DYM: variants seen among roughly 807,000 people sequenced by gnomAD.
DYM encodes dymeclin.
DYM carries 78 observed loss-of-function variants against 93.1 expected under a neutral mutation model. That is an observed-to-expected ratio of 0.84 (90% CI 0.70 to 1.01). The LOEUF (loss-of-function observed/expected upper bound fraction) is 1.01, where lower values mean the gene tolerates loss of function less well. Among genes scored for constraint, DYM ranks in the 50% least tolerant of loss-of-function variants. DYM has a pLI of 0.00. For missense variants in DYM, 789 were observed against 845.0 expected (o/e 0.93, Z 0.82); for synonymous variants, 321 against 319.7 (o/e 1.00, Z -0.04).
At chr18:49,067,168 G>GTGT (rs2076467581) in intron 17 of DYM, among the ~76,000 whole-genome samples, 8 of 30,344 alleles carry the variant, frequency 2.6e-4, no homozygotes, top group South Asian at 1.2e-3. Flanking sequence ...GGTGATGTGA[G>GTGT]CACTATGGAG....
At chr18:49,433,669 A>G (rs975620242) in intron 1 of DYM, among the ~76,000 whole-genome samples, 8 of 152,142 alleles carry the variant, frequency 5.3e-5, no homozygotes, top group African/African-American at 1.9e-4. Flanking sequence ...GAAGTTCGAG[A>G]CTAACCTGGT....
In DYM at chr18:49,170,780, C is replaced by CAAAAAAAAAAAAAA; in HGVS notation, c.1626-7007_1626-6994dup. On this transcript the variant is annotated intron_variant, in intron 14 of 17. Coordinates refer to ENST00000675505, the MANE Select transcript of DYM (RefSeq NM_001353214.3). ...TGGGCAACAAAGTGAGACTCCGTCT[C>CAAAAAAAAAAAAAA]AAAAAAAAAAAAAAAAAAAAAAAAA... Among the ~76,000 whole-genome samples the CAAAAAAAAAAAAAA allele has an allele frequency of 6.4e-5, 2 of 31,238 alleles. 1 individual carries two copies. Among genetic ancestry groups the CAAAAAAAAAAAAAA allele is most frequent in the South Asian group, 3.1e-3 (2 of 642 alleles). The allele number at this position is 31,238 out of a possible 152,430, so 20.5% of individuals were successfully genotyped here.
chr18:49,335,806 TTCTG>T (rs1268164657), intron 6 of DYM, among the ~76,000 whole-genome samples: 4 of 145,138 alleles, frequency 2.8e-5, no homozygotes, highest in Admixed American at 7.5e-5. Context: ...TGCAAACGTT[TTCTG>T]TCTTTTTTTT....
rs892976221 is a variant in DYM, at chr18:49,127,992, T to A, written c.1729-9066A>T. On this transcript the variant is annotated intron_variant, in intron 15 of 17. Transcript: ENST00000675505. The stretch of plus-strand genomic sequence containing the variant: ...ACACTCCTTGGATGTGGTTTGAATG[T>A]GACCCACAAGCCTCAACCACAACAC... Among the ~76,000 whole-genome samples the A allele has an allele frequency of 5.9e-5, 9 of 152,202 alleles. 1 individual carries two copies. The highest frequency in any genetic ancestry group is 1.9e-4 in the East Asian group (1 of 5,192).
intron 2 of DYM, among the ~76,000 whole-genome samples, chr18:49,414,650 G>A (rs935361717): frequency 6.6e-6 from 1 of 152,022 alleles, no homozygotes; most frequent in Non-Finnish European, 1.5e-5. Context: ...CCCTCTACCT[G>A]GAATACTCTC....
rs1201370040 is a variant in DYM at position 49,399,934 on chromosome 18, CTTTTTTTTTT to C, written c.141-8299_141-8290del. On this transcript the variant is annotated intron_variant, in intron 2 of 17. Coordinates refer to ENST00000675505, the MANE Select transcript of DYM (RefSeq NM_001353214.3). ...TTAAAAGACATTTATTTTTATTTTT[CTTTTTTTTTT>C]TTTTTTTTTTTTTTTGAGACGGAGT... Among the ~76,000 whole-genome samples the C allele has an allele frequency of 1.1e-3, 76 of 66,140 alleles. 1 individual carries two copies. In the East Asian group the frequency reaches 0.038, roughly 33 times the overall value. The allele number at this position is 66,140 out of a possible 152,430, so 43.4% of individuals were successfully genotyped here.
chr18:49,156,308 G>A (rs1284553980), intron 15 of DYM, among the ~76,000 whole-genome samples: 3 of 152,074 alleles, frequency 2.0e-5, no homozygotes, highest in Non-Finnish European at 4.4e-5. Context: ...GAGGATCCAG[G>A]GATCCAGAAA....
chr18:49,260,048 A>G (rs2094465238), intron 11 of DYM, among the ~76,000 whole-genome samples: 2 of 152,210 alleles, frequency 1.3e-5, no homozygotes, highest in African/African-American at 4.8e-5. Flanking sequence ...CATCCATAAA[A>G]TAAGAAGAGA....
intron 11 of DYM, among the ~76,000 whole-genome samples, chr18:49,261,731 T>C (rs1598969195): frequency 1.3e-5 from 2 of 152,200 alleles, no homozygotes; most frequent in African/African-American, 4.8e-5. Flanking sequence ...TTAAATATGT[T>C]TGGGAAAGTA....
At chr18:49,121,811 T>C (rs149871413) in intron 15 of DYM, among the ~76,000 whole-genome samples, 286 of 152,300 alleles carry the variant, frequency 1.9e-3, no homozygotes, top group African/African-American at 6.2e-3. Context: ...AAGTATCCTA[T>C]ACACAGCAAA....
In DYM at chr18:49,430,442, G is replaced by A; in HGVS notation, c.-48C>T. The A allele has an allele frequency of 6.2e-7, 1 of 1,607,840 alleles. No individual in the cohort carries two copies. The highest frequency in any genetic ancestry group is 8.5e-7 in the Non-Finnish European group (1 of 1,178,774). On this transcript the variant is annotated 5_prime_UTR_variant, in exon 2 of 18. Transcript: ENST00000675505. ...TGTCCTTAAACCTGCATTTCCAAAA[G>A]ACAACCTATAAAAAATAAAAATAAA...
intron 11 of DYM, among the ~76,000 whole-genome samples, chr18:49,271,302 A>T (rs2094691331): frequency 6.6e-6 from 1 of 152,182 alleles, no homozygotes; most frequent in African/African-American, 2.4e-5. Flanking sequence ...CCTACAGTAC[A>T]CAGCTGAACT....
At chr18:49,320,026 A>C (rs543039796) in intron 8 of DYM, among the ~76,000 whole-genome samples, 8 of 152,196 alleles carry the variant, frequency 5.3e-5, no homozygotes, top group African/African-American at 1.9e-4. Context: ...ATAATCCTAT[A>C]AAGCATCATC....
chr18:49,214,250 C>T (rs1034581729), intron 13 of DYM, among the ~76,000 whole-genome samples: 1 of 152,192 alleles, frequency 6.6e-6, no homozygotes, highest in African/African-American at 2.4e-5. Context: ...TTCAGAGCCA[C>T]TCCCCACTGC....
At chr18:49,324,138 CAAAAAAAAAAAAAAAAAAAA>C (rs59640889) in intron 8 of DYM, among the ~76,000 whole-genome samples, 1 of 54,436 alleles carries the variant, frequency 1.8e-5, no homozygotes, top group African/African-American at 8.2e-5. Flanking sequence ...GGCTCTGTCT[CAAAAAAAAAAAAAAAAAAAA>C]AAAAAAAAAA....
At chr18:49,267,115 TAAA>T (rs927342802) in intron 11 of DYM, among the ~76,000 whole-genome samples, 6 of 151,642 alleles carry the variant, frequency 4.0e-5, no homozygotes, top group Non-Finnish European at 2.9e-5. Context: ...GTTAGAAAGA[TAAA>T]GAAGAGAATA....
intron 15 of DYM, among the ~76,000 whole-genome samples, chr18:49,152,320 T>TA (rs1414963318): frequency 6.6e-6 from 1 of 152,166 alleles, no homozygotes; most frequent in Non-Finnish European, 1.5e-5. Flanking sequence ...GTTTTTGTTT[T>TA]AAAAAAGAGG....
chr18:49,256,053 C>T (rs1041460959), intron 13 of DYM, among the ~76,000 whole-genome samples: 8 of 146,276 alleles, frequency 5.5e-5, no homozygotes, highest in South Asian at 2.2e-4. Context: ...CACGGCACTC[C>T]ATCCTGGGTG....
intron 8 of DYM, among the ~76,000 whole-genome samples, chr18:49,298,147 A>T (rs484892): frequency 0.55 from 82,852 of 152,012 alleles, 24,183 homozygotes; most frequent in Non-Finnish European, 0.66. Context: ...AAAACACGAT[A>T]TTACTAACCC....
Sources: gnomAD v4.1 joint callset for allele counts (sites outside exome capture counted in the v4.1 genomes callset) on GRCh38, gnomAD v4.1.1 for gene constraint, MANE v1.5 for transcripts, NCBI Gene and HGNC (gene_info 2026-07-23, HGNC 2026-07-21) for gene names.